CTNNA3: variants seen among roughly 807,000 people sequenced by gnomAD.
CTNNA3 encodes the protein catenin alpha-3.
A neutral mutation model predicts 95.7 loss-of-function variants in CTNNA3; 76 were observed. The ratio of observed to expected loss-of-function variants is 0.79; its 90% CI spans 0.66 to 0.96. The LOEUF (loss-of-function observed/expected upper bound fraction) is 0.96. Among genes scored for constraint, CTNNA3 ranks in the 40% least tolerant of loss-of-function variants. The probability of loss-of-function intolerance (pLI) is 0.00; values close to 1 mark genes in which losing one functional copy is unlikely to be tolerated. For missense variants in CTNNA3, 1,191 were observed against 1,089.8 expected (o/e 1.09, Z -1.31); for synonymous variants, 431 against 374.4 (o/e 1.15, Z -1.74).
chr10:66,255,835 T>C (rs2090748646), intron 13 of CTNNA3, among the ~76,000 whole-genome samples: 1 of 152,250 alleles, frequency 6.6e-6, no homozygotes, highest in South Asian at 2.1e-4. Context: ...TGCGTTCATT[T>C]AGCCAGGAGC....
intron 5 of CTNNA3, among the ~76,000 whole-genome samples, chr10:67,322,400 CA>C (rs1181063867): frequency 2.0e-5 from 3 of 152,110 alleles, no homozygotes; most frequent in Non-Finnish European, 2.9e-5. Context: ...TCAATAGGCC[CA>C]ATGTGTATTG....
intron 13 of CTNNA3, among the ~76,000 whole-genome samples, chr10:66,276,465 A>G (rs1038889231): frequency 2.0e-5 from 3 of 152,136 alleles, no homozygotes; most frequent in Non-Finnish European, 4.4e-5. Context: ...TTACCAAAAA[A>G]AGATGAACAT....
chr10:67,489,232 T>A (rs1848565113), intron 5 of CTNNA3, among the ~76,000 whole-genome samples: 1 of 152,204 alleles, frequency 6.6e-6, no homozygotes. Flanking sequence ...TCACTTGCAG[T>A]AGTAAATTAT....
chr10:66,312,674 G>A (rs1384968131), intron 12 of CTNNA3, among the ~76,000 whole-genome samples: 1 of 152,048 alleles, frequency 6.6e-6, no homozygotes, highest in South Asian at 2.1e-4. Flanking sequence ...AGCCTCCCGA[G>A]TAGCTGGGAC....
At chr10:67,427,122 T>C (rs572756100) in intron 5 of CTNNA3, among the ~76,000 whole-genome samples, 1 of 152,170 alleles carries the variant, frequency 6.6e-6, no homozygotes, top group Non-Finnish European at 1.5e-5. Context: ...TTCTATCTGA[T>C]TCTTTATGGG....
chr10:67,304,525 A>T (rs1439052934), intron 5 of CTNNA3, among the ~76,000 whole-genome samples: 1 of 152,164 alleles, frequency 6.6e-6, no homozygotes, highest in Non-Finnish European at 1.5e-5. Flanking sequence ...TGTGTCCCTC[A>T]AATGTGTCCT....
chr10:67,590,122 C>T (rs542099854), intron 3 of CTNNA3, among the ~76,000 whole-genome samples: 1 of 152,106 alleles, frequency 6.6e-6, no homozygotes, highest in South Asian at 2.1e-4. Flanking sequence ...TTATCTGTTA[C>T]AATACTCTGT....
chr10:67,738,183 A>G lies in CTNNA3; in HGVS notation c.-2+25251T>C, dbSNP rs1291145573. Among the ~76,000 whole-genome samples the G allele has an allele frequency of 2.0e-5, 3 of 152,200 alleles. No individual in the cohort carries two copies. The East Asian group carries it at 5.8e-4, about 29-fold the overall frequency. ...ACACAACACCAGGAGGGGCCGAAAG[A>G]CACCTCATACAGGCGGGTGTCCCTC... On this transcript the variant is annotated intron_variant, in intron 1 of 17. Transcript: ENST00000684154.
chr10:66,371,955 C>T (rs1027390554), intron 12 of CTNNA3, among the ~76,000 whole-genome samples: 5 of 152,008 alleles, frequency 3.3e-5, no homozygotes, highest in African/African-American at 4.8e-5. Context: ...AATGTGGTAG[C>T]GAATAAATGT....
intron 7 of CTNNA3, among the ~76,000 whole-genome samples, chr10:66,782,629 C>T (rs1252951850): frequency 6.6e-6 from 1 of 152,024 alleles, no homozygotes; most frequent in Non-Finnish European, 1.5e-5. Flanking sequence ...CTTCTTAAAT[C>T]TGTCATTTGT....
chr10:66,448,054 CA>C (rs2093436263), intron 11 of CTNNA3, among the ~76,000 whole-genome samples: 1 of 152,130 alleles, frequency 6.6e-6, no homozygotes, highest in African/African-American at 2.4e-5. Context: ...GACATTTATG[CA>C]GCCAAAAAAC....
intron 17 of CTNNA3, among the ~76,000 whole-genome samples, chr10:65,924,002 G>T (rs150321150): frequency 2.0e-4 from 30 of 152,124 alleles, no homozygotes; most frequent in Non-Finnish European, 3.5e-4. Context: ...GCCAATTCAG[G>T]TGGCTACTCA....
At chr10:67,640,858 G>A (rs1032272874) in intron 2 of CTNNA3, among the ~76,000 whole-genome samples, 26 of 152,134 alleles carry the variant, frequency 1.7e-4, no homozygotes, top group Non-Finnish European at 4.4e-5. Context: ...ATTAATTCAA[G>A]AAGGATTAAA....
At chr10:67,353,673 A>C (rs1475858209) in intron 5 of CTNNA3, among the ~76,000 whole-genome samples, 1 of 151,978 alleles carries the variant, frequency 6.6e-6, no homozygotes, top group Non-Finnish European at 1.5e-5. Context: ...TGATGATGGG[A>C]TAAGCTTTAT....
At chr10:66,869,577 C>A (rs1270112829) in intron 7 of CTNNA3, among the ~76,000 whole-genome samples, 11 of 151,968 alleles carry the variant, frequency 7.2e-5, no homozygotes, top group African/African-American at 2.7e-4. Flanking sequence ...TGTCTCAATA[C>A]ATTAAATTAA....
chr10:66,125,560 T>A (rs1475000396), intron 13 of CTNNA3, among the ~76,000 whole-genome samples: 2 of 152,046 alleles, frequency 1.3e-5, no homozygotes, highest in Non-Finnish European at 2.9e-5. Context: ...ACAACAGAGG[T>A]AATTCATAGA....
At chr10:67,332,477 G>T (rs1841831011) in intron 5 of CTNNA3, among the ~76,000 whole-genome samples, 1 of 152,116 alleles carries the variant, frequency 6.6e-6, no homozygotes, top group Admixed American at 6.6e-5. Flanking sequence ...ATTTCTGTAA[G>T]ATGTCTGACT....
chr10:67,357,034 A>T (rs1209233108), intron 5 of CTNNA3, among the ~76,000 whole-genome samples: 3 of 151,864 alleles, frequency 2.0e-5, no homozygotes, highest in African/African-American at 7.3e-5. Flanking sequence ...CTTTCCTCAA[A>T]CCTCCAACAT....
chr10:66,346,472 C>A (rs1469819036), intron 12 of CTNNA3, among the ~76,000 whole-genome samples: 1 of 151,814 alleles, frequency 6.6e-6, no homozygotes, highest in Admixed American at 6.6e-5. Flanking sequence ...AAAGACGGGG[C>A]TTCACCATGT....
Sources: gnomAD v4.1 joint callset for allele counts (sites outside exome capture counted in the v4.1 genomes callset) on GRCh38, gnomAD v4.1.1 for gene constraint, MANE v1.5 for transcripts, NCBI Gene and HGNC (gene_info 2026-07-23, HGNC 2026-07-21) for gene names.